Variants in ALG9 observed in about 807,000 individuals in gnomAD.
ALG9 encodes the protein ALG9 alpha-1,2-mannosyltransferase.
In ALG9, 55 loss-of-function variants were observed where a neutral mutation model predicts 81.8. The observed-to-expected ratio is 0.67, with a 90% CI of 0.54 to 0.84. ALG9 has a LOEUF of 0.84. Ranked by LOEUF, ALG9 falls within the 40% of genes least tolerant of loss-of-function variation. ALG9 has a pLI of 0.00. For missense variants in ALG9, 629 were observed against 745.0 expected (o/e 0.84, Z 1.81); for synonymous variants, 278 against 274.3 (o/e 1.01, Z -0.13).
At chr11:111,849,118 T>C (rs751979074) in intron 8 of ALG9, among the ~76,000 whole-genome samples, 6 of 152,130 alleles carry the variant, frequency 3.9e-5, no homozygotes, top group Non-Finnish European at 7.4e-5. Context: ...TCGTGCAGTT[T>C]CGGCTCACTG....
At chr11:111,869,506 G>C (rs1555156409) in intron 2 of ALG9, among the ~76,000 whole-genome samples, 1 of 152,072 alleles carries the variant, frequency 6.6e-6, no homozygotes, top group Non-Finnish European at 1.5e-5. Flanking sequence ...TTGGACACGA[G>C]AAGTGGAATA....
At chr11:111,794,321 T>C (rs1947910799) in intron 14 of ALG9, among the ~76,000 whole-genome samples, 1 of 152,196 alleles carries the variant, frequency 6.6e-6, no homozygotes, top group Admixed American at 6.5e-5. Context: ...TCTTGCTCTG[T>C]TGCCCAGGCT....
At chr11:111,845,516 TAAG>T (rs1956827671) in intron 8 of ALG9, 1 of 152,232 alleles carries the variant, frequency 6.6e-6, no homozygotes, top group African/African-American at 2.4e-5. Flanking sequence ...TGAGAAGCTT[TAAG>T]GATTCAGAAT....
Position 111,783,400 on chromosome 11 carries a change from G to C in ALG9, c.*2997C>G, listed in dbSNP as rs1946127212. On this transcript the variant is annotated 3_prime_UTR_variant, in exon 15 of 15. Transcript: ENST00000616540. ...TTGAACCCGGGAGACAGAGGTTGCA[G>C]TGAGCTGAGGTCGTGCCATTGTGTT... 1 of 152,440 alleles carries C rather than the reference G, an allele frequency of 6.6e-6. No homozygotes were observed. The highest frequency in any genetic ancestry group is 2.4e-5 in the African/African-American group (1 of 41,414). The allele number at this position is 152,440 out of a possible 1,614,324, so 9.4% of individuals were successfully genotyped here.
Position 111,840,689 on chromosome 11 carries a change from C to A in ALG9, c.1139G>T (p.Cys380Phe). The A allele has an allele frequency of 6.2e-7, 1 of 1,614,032 alleles. No homozygotes were observed. Among genetic ancestry groups the A allele is most frequent in the Non-Finnish European group, 8.5e-7 (1 of 1,179,994 alleles). Residue 380 changes from cysteine (C) to phenylalanine (F), a missense_variant, in exon 10 of 15, where the codon TGT becomes TTT. This residue lies in a region of ALG9 where 264 missense variants were observed against 302.2 expected (regional missense o/e 0.87). Coordinates refer to ENST00000616540, the MANE Select transcript of ALG9 (RefSeq NM_024740.2). ...AGAGAGAGCCACAGCGCCACAGAGA[C>A]ATATAAGTGGATACACAGGGAAAAG... ...RFLFPVYPLI[C>F]LCGAVALSAL...
chr11:111,782,259 C>T lies in ALG9; in HGVS notation c.*4138G>A, dbSNP rs1565516251. 1 of 152,118 alleles carries T rather than the reference C, an allele frequency of 6.6e-6. No individual in the cohort carries two copies. Among genetic ancestry groups the T allele is most frequent in the African/African-American group, 2.4e-5 (1 of 41,402 alleles). 9.4% of individuals were successfully genotyped at this position (152,118 alleles called of 1,614,324 possible). Reference sequence around the variant, plus strand: ...AAATATAAGTATGTAATGTAAACACCGACACGTGAAATAAAGTACAAGGAT... The same window carrying T: ...AAATATAAGTATGTAATGTAAACACTGACACGTGAAATAAAGTACAAGGAT... On this transcript the variant is annotated 3_prime_UTR_variant, in exon 15 of 15. Transcript: ENST00000616540.
chr11:111,816,431 T>A (rs568057095), intron 13 of ALG9, among the ~76,000 whole-genome samples: 1 of 152,298 alleles, frequency 6.6e-6, no homozygotes, highest in South Asian at 2.1e-4. Flanking sequence ...TTATTTTTTG[T>A]AGAGACGGGG....
rs782646689 is a variant in ALG9, at chr11:111,853,754, A to G, written c.702-18T>C. On this transcript the variant is annotated intron_variant, in intron 6 of 14. Transcript: ENST00000616540. ...TGGGTAAACTATTTAACAGAGAAAC[A>G]GAGCGGGGAGTTAAATAAATACTGA... The G allele has an allele frequency of 6.3e-7, 1 of 1,596,318 alleles. No individual in the cohort carries two copies. Among genetic ancestry groups the G allele is most frequent in the African/African-American group, 1.3e-5 (1 of 74,712 alleles).
chr11:111,871,117 C>T (rs1964167662), intron 1 of ALG9: 1 of 1,249,278 alleles, frequency 8.0e-7, no homozygotes, highest in African/African-American at 1.6e-5. Context: ...CCAGGAGCAT[C>T]ACAGATCCGC....
intron 3 of ALG9, among the ~76,000 whole-genome samples, chr11:111,867,027 G>A (rs530496511): frequency 1.3e-5 from 2 of 152,306 alleles, no homozygotes; most frequent in South Asian, 2.1e-4. Context: ...TCCGGGAAAC[G>A]GAGGTTGCTG....
intron 9 of ALG9, among the ~76,000 whole-genome samples, chr11:111,843,581 G>A (rs1412126703): frequency 6.6e-6 from 1 of 152,098 alleles, no homozygotes; most frequent in Non-Finnish European, 1.5e-5. Context: ...TGGGATGGGG[G>A]AACTGATCAT....
rs1349010842 is a variant in ALG9 at position 111,838,388 on chromosome 11, C to T, written c.1185G>A (p.Leu395=). 5 of 1,611,806 alleles carry T rather than the reference C, an allele frequency of 3.1e-6. No individual in the cohort carries two copies. Among genetic ancestry groups the T allele is most frequent in the African/African-American group, 1.3e-5 (1 of 74,986 alleles). The change falls in exon 11 of 15, where the codon CTG becomes CTA. Residue 395 remains leucine (L), a synonymous_variant. Transcript: ENST00000616540. ...VALSALQHSF[L]YFQKCYHFVF... ...CAAAGTGGTAACATTTCTGGAAGTA[C>T]AGAAAACTGTGCTGATAAAAGAAAA...
intron 14 of ALG9, among the ~76,000 whole-genome samples, chr11:111,793,406 T>A (rs575571093): frequency 2.0e-5 from 3 of 152,240 alleles, no homozygotes; most frequent in Non-Finnish European, 1.5e-5. Context: ...TGGGGCATTT[T>A]GAATTGTTAT....
intron 9 of ALG9, among the ~76,000 whole-genome samples, chr11:111,843,459 T>TCC (rs1277527530): frequency 6.6e-6 from 1 of 152,138 alleles, no homozygotes; most frequent in Non-Finnish European, 1.5e-5. Flanking sequence ...TATGGCTACG[T>TCC]TGAAACAAAA....
In ALG9 at chr11:111,854,746, T is replaced by C. The variant is rs547884067; in HGVS notation, c.702-1010A>G. ...ACTTCCATTTCCATAGCACCTGTAT[T>C]TCTCCTTTGATAAGTCATACTTTTA... On this transcript the variant is annotated intron_variant, in intron 6 of 14. Coordinates refer to ENST00000616540, the MANE Select transcript of ALG9 (RefSeq NM_024740.2). 8.0e-4 allele frequency among the ~76,000 whole-genome samples: 122 copies of C among 152,242 alleles called. 1 individual carries two copies. Among genetic ancestry groups the C allele is most frequent in the Non-Finnish European group, 1.2e-3 (82 of 68,040 alleles).
chr11:111,840,217 T>G (rs1231811286), intron 10 of ALG9, among the ~76,000 whole-genome samples: 3 of 152,180 alleles, frequency 2.0e-5, no homozygotes, highest in Admixed American at 6.5e-5. Context: ...TACAGAGATA[T>G]TCAAACAGAG....
At chr11:111,864,780 TTCTC>T (rs1380950735) in intron 4 of ALG9, among the ~76,000 whole-genome samples, 3 of 152,094 alleles carry the variant, frequency 2.0e-5, no homozygotes, top group African/African-American at 4.8e-5. Flanking sequence ...TTCTACTTCT[TTCTC>T]TTTTTTTTTT....
At chr11:111,790,458 C>T (rs1453091560) in intron 14 of ALG9, among the ~76,000 whole-genome samples, 2 of 152,030 alleles carry the variant, frequency 1.3e-5, no homozygotes. Flanking sequence ...AGCAAAACCG[C>T]ATTTCTGAAA....
chr11:111,824,697 C>G (rs1219085391), intron 13 of ALG9, among the ~76,000 whole-genome samples: 1 of 152,200 alleles, frequency 6.6e-6, no homozygotes, highest in Non-Finnish European at 1.5e-5. Flanking sequence ...CTGCTATATA[C>G]TTTACAATCT....
Sources: gnomAD v4.1 joint callset for allele counts (sites outside exome capture counted in the v4.1 genomes callset) on GRCh38, gnomAD v4.1.1 for gene constraint, gnomAD v4.1.1 regional missense constraint, MANE v1.5 for transcripts, NCBI Gene and HGNC (gene_info 2026-07-23, HGNC 2026-07-21) for gene names.